SGCZ: variants seen among roughly 807,000 people sequenced by gnomAD.
SGCZ encodes the protein sarcoglycan zeta.
SGCZ carries 40 observed loss-of-function variants against 41.3 expected under a neutral mutation model. That is an observed-to-expected ratio of 0.97 (90% CI 0.75 to 1.26). SGCZ has a LOEUF of 1.26. Ranked by LOEUF, SGCZ falls within the 50% of genes most tolerant of loss-of-function variation. SGCZ has a pLI of 0.00. For missense variants in SGCZ, 552 were observed against 369.8 expected (o/e 1.49, Z -4.04); for synonymous variants, 206 against 137.5 (o/e 1.50, Z -3.49).
chr8:14,420,593 C>T (rs931652779), intron 2 of SGCZ, among the ~76,000 whole-genome samples: 27 of 151,982 alleles, frequency 1.8e-4, no homozygotes, highest in Non-Finnish European at 3.7e-4. Context: ...AAAATGATCC[C>T]GAGCTCTGAA....
intron 3 of SGCZ, among the ~76,000 whole-genome samples, chr8:14,316,812 G>GAC (rs55956388): frequency 0.056 from 8,025 of 142,394 alleles, 311 homozygotes; most frequent in Admixed American, 0.15. Flanking sequence ...ATTTATTATA[G>GAC]ACACACACAC....
chr8:14,785,460 G>A (rs1156475501), intron 1 of SGCZ, among the ~76,000 whole-genome samples: 1 of 151,846 alleles, frequency 6.6e-6, no homozygotes, highest in Non-Finnish European at 1.5e-5. Context: ...TAAAATGCAT[G>A]GTATAACATT....
chr8:14,579,438 T>A (rs1013759647), intron 1 of SGCZ, among the ~76,000 whole-genome samples: 4 of 152,202 alleles, frequency 2.6e-5, no homozygotes, highest in African/African-American at 9.6e-5. Context: ...GCATTGTATC[T>A]TGTACATTTT....
intron 1 of SGCZ, among the ~76,000 whole-genome samples, chr8:14,597,034 AC>A (rs888360715): frequency 6.6e-6 from 1 of 152,164 alleles, no homozygotes; most frequent in African/African-American, 2.4e-5. Context: ...CTTCCTCAAA[AC>A]GCCTGAGGTA....
At chr8:14,423,327 AAAAAAAAGT>A (rs935393427) in intron 2 of SGCZ, among the ~76,000 whole-genome samples, 2 of 97,042 alleles carry the variant, frequency 2.1e-5, no homozygotes, top group Non-Finnish European at 5.8e-5. Context: ...ATAAAAAAAG[AAAAAAAAGT>A]AAACTGTATC....
At chr8:14,835,202 T>C (rs894188739) in intron 1 of SGCZ, among the ~76,000 whole-genome samples, 1 of 152,194 alleles carries the variant, frequency 6.6e-6, no homozygotes, top group East Asian at 1.9e-4. Flanking sequence ...GGAAAGATGG[T>C]TAGCCCCTCA....
At chr8:14,540,960 T>C (rs974898397) in intron 2 of SGCZ, among the ~76,000 whole-genome samples, 1 of 151,122 alleles carries the variant, frequency 6.6e-6, no homozygotes, top group Admixed American at 6.7e-5. Context: ...CACAGTTATA[T>C]CAAAACAAGT....
At position 14,329,504 on chromosome 8, in the gene SGCZ, T is replaced by C. The variant is rs76881378; in HGVS notation, c.235-5300A>G. 6.2e-4 allele frequency among the ~76,000 whole-genome samples: 95 copies of C among 152,326 alleles called. 1 individual carries two copies. The East Asian group carries it at 0.013, about 20-fold the overall frequency. On this transcript the variant is annotated intron_variant, in intron 2 of 7. Coordinates refer to ENST00000382080, the MANE Select transcript of SGCZ (RefSeq NM_139167.4). ...TTCTTTTTCATTTCCAATGACACTA[T>C]GACAGTTCAAGATCACTTTATCTCC...
intron 1 of SGCZ, among the ~76,000 whole-genome samples, chr8:14,760,273 G>A (rs1162968528): frequency 6.6e-6 from 1 of 152,126 alleles, no homozygotes; most frequent in Non-Finnish European, 1.5e-5. Context: ...CTAAGTAAAT[G>A]AAGAAGAAAA....
At chr8:14,282,893 A>G (rs1183187921) in intron 3 of SGCZ, among the ~76,000 whole-genome samples, 2 of 116,820 alleles carry the variant, frequency 1.7e-5, no homozygotes, top group African/African-American at 6.8e-5. Flanking sequence ...TCTGTCACCC[A>G]GGCTGGAGTG....
intron 2 of SGCZ, among the ~76,000 whole-genome samples, chr8:14,336,605 T>C (rs368287746): frequency 7.9e-5 from 12 of 152,178 alleles, no homozygotes; most frequent in Non-Finnish European, 1.6e-4. Flanking sequence ...GTATCTGTTA[T>C]GTTATGACTT....
At chr8:14,322,910 A>G (rs1361793336) in intron 3 of SGCZ, among the ~76,000 whole-genome samples, 1 of 152,154 alleles carries the variant, frequency 6.6e-6, no homozygotes, top group Non-Finnish European at 1.5e-5. Context: ...TCCGCTTTTC[A>G]CAAAAACAAA....
At chr8:14,119,019 T>C (rs934355088) in intron 5 of SGCZ, among the ~76,000 whole-genome samples, 1 of 152,170 alleles carries the variant, frequency 6.6e-6, no homozygotes, top group African/African-American at 2.4e-5. Context: ...TTGTTCTTTT[T>C]ACTTAGGATT....
At chr8:15,148,673 C>T (rs928937899) in intron 1 of SGCZ, among the ~76,000 whole-genome samples, 1 of 152,156 alleles carries the variant, frequency 6.6e-6, no homozygotes, top group Non-Finnish European at 1.5e-5. Flanking sequence ...ACAGAAGATG[C>T]TTCACCCTTT....
chr8:14,733,535 T>A (rs1326677187), intron 1 of SGCZ, among the ~76,000 whole-genome samples: 1 of 152,176 alleles, frequency 6.6e-6, no homozygotes, highest in African/African-American at 2.4e-5. Flanking sequence ...AGAAGAAAAA[T>A]CCACTACTAT....
intron 1 of SGCZ, among the ~76,000 whole-genome samples, chr8:14,843,999 T>C (rs117461484): frequency 0.04 from 5,970 of 150,978 alleles, 157 homozygotes; most frequent in Non-Finnish European, 0.063. Context: ...TCCAGGAAAA[T>C]ATATATTTAT....
chr8:14,718,699 G>C (rs1396902719), intron 1 of SGCZ, among the ~76,000 whole-genome samples: 2 of 151,798 alleles, frequency 1.3e-5, no homozygotes, highest in Non-Finnish European at 2.9e-5. Flanking sequence ...AAATGACAGT[G>C]TTGATGATCT....
At chr8:14,664,807 G>T (rs1168580620) in intron 1 of SGCZ, among the ~76,000 whole-genome samples, 1 of 152,040 alleles carries the variant, frequency 6.6e-6, no homozygotes, top group Non-Finnish European at 1.5e-5. Flanking sequence ...GTTTTTCTCT[G>T]AGAAACATGT....
At chr8:15,136,880 T>C (rs1387927928) in intron 1 of SGCZ, among the ~76,000 whole-genome samples, 1 of 151,934 alleles carries the variant, frequency 6.6e-6, no homozygotes, top group Non-Finnish European at 1.5e-5. Context: ...CATATAAGGG[T>C]ACTGGAAAAT....
Sources: allele counts gnomAD v4.1 joint callset (sites outside exome capture counted in the v4.1 genomes callset), GRCh38; gene constraint gnomAD v4.1.1; transcripts MANE v1.5; gene names NCBI Gene and HGNC (gene_info 2026-07-23, HGNC 2026-07-21).